Variants in EPB41L4A observed in about 807,000 individuals in gnomAD.
EPB41L4A encodes band 4.1-like protein 4A.
Under a neutral mutation model 108.6 loss-of-function variants are expected in EPB41L4A, and 100 were observed. The ratio of observed to expected loss-of-function variants is 0.92; its 90% CI spans 0.78 to 1.09. EPB41L4A has a LOEUF of 1.09. Among genes scored for constraint, EPB41L4A ranks in the 50% least tolerant of loss-of-function variants. EPB41L4A has a pLI of 0.00. For missense variants in EPB41L4A, 1,030 were observed against 842.7 expected, an observed-to-expected ratio of 1.22 and a Z score of -2.75; for synonymous variants, 319 against 289.0, an observed-to-expected ratio of 1.10 and a Z score of -1.05.
chr5:112,247,441 C>T (rs996356672), intron 9 of EPB41L4A, among the ~76,000 whole-genome samples: 23 of 152,262 alleles, frequency 1.5e-4, no homozygotes, highest in Admixed American at 5.2e-4. Context: ...CGCCATTTCC[C>T]TGTGCCTTTC....
At chr5:112,195,636 T>C (rs1761929503) in intron 16 of EPB41L4A, 25 bp downstream of exon 16, 1 of 1,587,910 alleles carries the variant, frequency 6.3e-7, no homozygotes, top group Admixed American at 1.7e-5. Flanking sequence ...TCCCTCTGAC[T>C]GTCCTTCCAT....
chr5:112,415,280 G>T (rs1057392794), intron 1 of EPB41L4A, among the ~76,000 whole-genome samples: 6 of 152,046 alleles, frequency 3.9e-5, no homozygotes, highest in Non-Finnish European at 8.8e-5. Flanking sequence ...AGTAGTTAAT[G>T]GATGAACTAT....
intron 2 of EPB41L4A, among the ~76,000 whole-genome samples, chr5:112,293,346 T>A (rs555822192): frequency 6.6e-6 from 1 of 152,150 alleles, no homozygotes; most frequent in East Asian, 1.9e-4. Context: ...ATTAGTTATT[T>A]TTCCTCATCC....
chr5:112,300,804 T>G (rs1754303315), intron 2 of EPB41L4A, among the ~76,000 whole-genome samples: 1 of 152,196 alleles, frequency 6.6e-6, no homozygotes, highest in Non-Finnish European at 1.5e-5. Context: ...GGTCACTTAA[T>G]GTAATCTCAC....
rs77046885 is a variant in EPB41L4A, at chr5:112,342,756, C to T, written c.100-35266G>A. Reference sequence around the variant, plus strand: ...GAGACTCTCGTAGGTCACTTTTATGCTGCCAGTTGGCAGACTGGCATACAA... The same window carrying T: ...GAGACTCTCGTAGGTCACTTTTATGTTGCCAGTTGGCAGACTGGCATACAA... On this transcript the variant is annotated intron_variant, in intron 1 of 22. Coordinates refer to ENST00000261486, the MANE Select transcript of EPB41L4A (RefSeq NM_022140.5). Among the ~76,000 whole-genome samples the T allele has an allele frequency of 4.9e-4, 74 of 152,262 alleles. No individual in the cohort carries two copies. The East Asian group carries it at 0.013, about 26-fold the overall frequency.
At chr5:112,238,991 A>C (rs1749571188) in intron 11 of EPB41L4A, among the ~76,000 whole-genome samples, 1 of 152,204 alleles carries the variant, frequency 6.6e-6, no homozygotes, top group South Asian at 2.1e-4. Context: ...AATGGTTATA[A>C]ACATGAGCTC....
At chr5:112,393,471 A>C (rs1473750323) in intron 1 of EPB41L4A, among the ~76,000 whole-genome samples, 1 of 152,256 alleles carries the variant, frequency 6.6e-6, no homozygotes, top group Non-Finnish European at 1.5e-5. Flanking sequence ...ACCTCTACGC[A>C]AATAAACTAG....
rs530670940 is a variant in EPB41L4A, at chr5:112,330,714, C to T, written c.100-23224G>A. Among the ~76,000 whole-genome samples, 50 of 151,678 alleles carry T rather than the reference C, an allele frequency of 3.3e-4. 1 individual carries two copies. In the South Asian group the frequency reaches 5.9e-3, roughly 18 times the overall value. On this transcript the variant is annotated intron_variant, in intron 1 of 22. Coordinates refer to ENST00000261486, the MANE Select transcript of EPB41L4A (RefSeq NM_022140.5). ...CATGTTTGCAACTGTGCTATCCTGC[C>T]TCTAGTGTGCAGAGTATTCTATTCT...
Position 112,164,938 on chromosome 5 carries a change from T to C in EPB41L4A, c.*52A>G. On this transcript the variant is annotated 3_prime_UTR_variant, in exon 23 of 23. Transcript: ENST00000261486. The stretch of plus-strand genomic sequence containing the variant: ...GATACCTATTTCACAGTTTCAAAAG[T>C]ACCAGTGGCGCACACAACCTTCCCA... 1 of 1,510,600 alleles carries C rather than the reference T, an allele frequency of 6.6e-7. No homozygotes were observed. Among genetic ancestry groups the C allele is most frequent in the Non-Finnish European group, 8.8e-7 (1 of 1,131,560 alleles). 93.6% of individuals were successfully genotyped at this position (1,510,600 alleles called of 1,614,324 possible). A position where few individuals can be genotyped will look rare whatever the true frequency, so the allele number is the denominator to read the frequency against.
intron 1 of EPB41L4A, among the ~76,000 whole-genome samples, chr5:112,326,260 G>A (rs1756154057): frequency 6.6e-6 from 1 of 151,884 alleles, no homozygotes; most frequent in African/African-American, 2.4e-5. Flanking sequence ...GAGGGTCGGT[G>A]CCCCCAATCC....
At chr5:112,338,410 G>A (rs978729731) in intron 1 of EPB41L4A, among the ~76,000 whole-genome samples, 9 of 151,998 alleles carry the variant, frequency 5.9e-5, no homozygotes, top group African/African-American at 1.9e-4. Flanking sequence ...CACCTGCTCC[G>A]GCTCTCTCCA....
chr5:112,323,457 C>G (rs1351701577), intron 1 of EPB41L4A, among the ~76,000 whole-genome samples: 4 of 152,218 alleles, frequency 2.6e-5, no homozygotes, highest in Admixed American at 1.3e-4. Flanking sequence ...TAAGGGAACT[C>G]TGACCCAAGA....
In EPB41L4A at chr5:112,307,473, G is replaced by A. The variant is rs367780924; in HGVS notation, c.117C>T (p.Ser39=). ...QQGIKKSTKG[S]VVLDHVFHHV... is the part of the protein sequence containing the mutation. ...GATGGAATACGTGGTCAAGGACAACGGAACCTTTCGTTGACTTCTGCAAAA... is the reference window on the plus strand; with the variant it reads ...GATGGAATACGTGGTCAAGGACAACAGAACCTTTCGTTGACTTCTGCAAAA... Residue 39 remains serine, a synonymous_variant, in exon 2 of 23, where the codon TCC becomes TCT. Transcript: ENST00000261486. The A allele has an allele frequency of 2.8e-4, 454 of 1,612,592 alleles. No homozygotes were observed. Among genetic ancestry groups the A allele is most frequent in the Non-Finnish European group, 3.7e-4 (433 of 1,178,960 alleles).
intron 12 of EPB41L4A, among the ~76,000 whole-genome samples, chr5:112,212,564 G>A (rs933278034): frequency 1.3e-5 from 2 of 152,118 alleles, no homozygotes; most frequent in Non-Finnish European, 2.9e-5. Flanking sequence ...CAAAGTGCTG[G>A]GATTACAGGT....
intron 12 of EPB41L4A, among the ~76,000 whole-genome samples, chr5:112,155,425 A>C (rs1010396014): frequency 6.6e-6 from 1 of 152,158 alleles, no homozygotes; most frequent in African/African-American, 2.4e-5. Context: ...ACAATTAGTA[A>C]TATGACAGCA....
intron 15 of EPB41L4A, among the ~76,000 whole-genome samples, chr5:112,198,807 T>A (rs1762085272): frequency 6.6e-6 from 1 of 152,162 alleles, no homozygotes; most frequent in Admixed American, 6.6e-5. Context: ...AGTTCTTACC[T>A]TTGTATTGAT....
intron 17 of EPB41L4A, among the ~76,000 whole-genome samples, chr5:112,185,488 G>C (rs749300471): frequency 3.3e-5 from 5 of 152,198 alleles, no homozygotes; most frequent in Non-Finnish European, 7.3e-5. Context: ...TTGTGAGGAA[G>C]AAACTGTTTA....
At chr5:112,167,152 A>G (rs1270172871) in intron 22 of EPB41L4A, among the ~76,000 whole-genome samples, 2 of 151,504 alleles carry the variant, frequency 1.3e-5, no homozygotes, top group African/African-American at 4.8e-5. Flanking sequence ...ACCGAAAGAT[A>G]ACTGCTTATT....
At chr5:112,296,933 T>C (rs1345931255) in intron 2 of EPB41L4A, among the ~76,000 whole-genome samples, 2 of 152,098 alleles carry the variant, frequency 1.3e-5, no homozygotes, top group African/African-American at 4.8e-5. Context: ...GTGAATGCCA[T>C]TAATTCATTC....
Sources: allele counts gnomAD v4.1 joint callset (sites outside exome capture counted in the v4.1 genomes callset), GRCh38; gene constraint gnomAD v4.1.1; transcripts MANE v1.5; gene names NCBI Gene and HGNC (gene_info 2026-07-23, HGNC 2026-07-21).